The following STK3 variants were observed in gnomAD, a reference collection of about 807,000 sequenced individuals.
The protein encoded by STK3 is serine/threonine kinase 3, also known as serine/threonine-protein kinase 3.
In STK3, 41 loss-of-function variants were observed where a neutral mutation model predicts 58.0. The observed-to-expected ratio is 0.71, with a 90% CI of 0.55 to 0.92. The LOEUF (loss-of-function observed/expected upper bound fraction) is 0.92, where lower values mean the gene tolerates loss of function less well. STK3 is among the 40% of genes least tolerant of loss of function. The probability of loss-of-function intolerance (pLI) is 0.00; values close to 1 mark genes in which losing one functional copy is unlikely to be tolerated. For missense variants in STK3, 479 were observed against 602.7 expected (o/e 0.79, Z 2.15); for synonymous variants, 170 against 191.0 (o/e 0.89, Z 0.91).
chr8:98,371,481 A>T (rs1026869488), exon 3 of STK3: 2 of 152,256 alleles, frequency 1.3e-5, no homozygotes, highest in Non-Finnish European at 2.9e-5. Context: ...TCGAAAGCAC[A>T]TGTTCTTTGT....
At chr8:98,636,915 C>A (rs999331332) in intron 6 of STK3, among the ~76,000 whole-genome samples, 3 of 151,990 alleles carry the variant, frequency 2.0e-5, no homozygotes, top group Non-Finnish European at 4.4e-5. Flanking sequence ...AATGTCCTTG[C>A]AATATTGGTC....
chr8:98,700,339 C>T (rs1825457037), intron 6 of STK3, among the ~76,000 whole-genome samples: 1 of 152,228 alleles, frequency 6.6e-6, no homozygotes, highest in South Asian at 2.1e-4. Context: ...ATGCCTCGCC[C>T]TGCTTCGGCT....
At chr8:98,681,997 TC>T (rs1470287003) in intron 6 of STK3, among the ~76,000 whole-genome samples, 1 of 152,212 alleles carries the variant, frequency 6.6e-6, no homozygotes, top group Non-Finnish European at 1.5e-5. Context: ...CAACATGCAT[TC>T]CCAAGTAACA....
chr8:98,354,857 A>C, the STK3 span, among the ~76,000 whole-genome samples: 26 of 152,106 alleles, frequency 1.7e-4, no homozygotes, highest in Admixed American at 1.7e-3. Flanking sequence ...GCCTCAATGC[A>C]ACCTCCGCCT....
chr8:98,591,483 T>C (rs1048435494), intron 7 of STK3, among the ~76,000 whole-genome samples: 2 of 152,226 alleles, frequency 1.3e-5, no homozygotes, highest in Non-Finnish European at 1.5e-5. Flanking sequence ...TAAGGAGCAC[T>C]TGTACTTAAA....
At chr8:98,411,766 C>A (rs1818059779) in intron 3 of STK3, among the ~76,000 whole-genome samples, 1 of 152,236 alleles carries the variant, frequency 6.6e-6, no homozygotes, top group African/African-American at 2.4e-5. Context: ...CAACATCACT[C>A]CTCGAGGGAC....
intron 3 of STK3, among the ~76,000 whole-genome samples, chr8:98,864,334 G>A (rs1837052367): frequency 6.6e-6 from 1 of 151,638 alleles, no homozygotes; most frequent in South Asian, 2.1e-4. Context: ...GTAAACCTGA[G>A]TATAAAAAGC....
At chr8:98,502,232 T>C (rs1193772439) in intron 10 of STK3, among the ~76,000 whole-genome samples, 4 of 152,204 alleles carry the variant, frequency 2.6e-5, no homozygotes, top group Admixed American at 6.5e-5. Flanking sequence ...ATAGGAATGC[T>C]TGTGATTTTT....
At chr8:98,584,214 C>A (rs1814236847) in intron 7 of STK3, among the ~76,000 whole-genome samples, 1 of 151,932 alleles carries the variant, frequency 6.6e-6, no homozygotes, top group South Asian at 2.1e-4. Flanking sequence ...TGTCATCTAG[C>A]ATTAGGTATA....
At chr8:98,683,255 A>G (rs1823762789) in intron 6 of STK3, among the ~76,000 whole-genome samples, 1 of 152,078 alleles carries the variant, frequency 6.6e-6, no homozygotes. Flanking sequence ...TTGAAAGGCA[A>G]GCTGTGAGGG....
chr8:98,652,917 G>C (rs1223328069), intron 6 of STK3, among the ~76,000 whole-genome samples: 2 of 152,148 alleles, frequency 1.3e-5, no homozygotes, highest in Non-Finnish European at 2.9e-5. Flanking sequence ...ACATTAGACA[G>C]ATCAACCAGA....
chr8:98,457,349 A>G (rs1586605060), intron 10 of STK3, among the ~76,000 whole-genome samples: 1 of 152,246 alleles, frequency 6.6e-6, no homozygotes, highest in Admixed American at 6.5e-5. Flanking sequence ...AACTGTACAC[A>G]TCGGTAATGG....
chr8:98,485,233 C>T (rs1007754882), intron 10 of STK3, among the ~76,000 whole-genome samples: 24 of 136,506 alleles, frequency 1.8e-4, no homozygotes, highest in African/African-American at 5.9e-4. Flanking sequence ...ATGAGGGAAA[C>T]TGCGTCTCAA....
intron 6 of STK3, among the ~76,000 whole-genome samples, chr8:98,669,089 T>C (rs372121151): frequency 1.4e-5 from 2 of 147,140 alleles, no homozygotes; most frequent in Non-Finnish European, 3.0e-5. Context: ...CTCCGTCTCC[T>C]GGCTCCAAGC....
intron 3 of STK3, among the ~76,000 whole-genome samples, chr8:98,854,732 G>C (rs923519573): frequency 6.6e-6 from 1 of 152,084 alleles, no homozygotes; most frequent in African/African-American, 2.4e-5. Flanking sequence ...CATGTTCATG[G>C]ATCAAAAGAC....
At chr8:98,463,603 T>C (rs934782191) in intron 10 of STK3, among the ~76,000 whole-genome samples, 1 of 152,070 alleles carries the variant, frequency 6.6e-6, no homozygotes, top group Non-Finnish European at 1.5e-5. Context: ...TCAGAAAGAG[T>C]TGTCAGTAAA....
chr8:98,348,823 A>C, the STK3 span, among the ~76,000 whole-genome samples: 1 of 152,248 alleles, frequency 6.6e-6, no homozygotes, highest in Non-Finnish European at 1.5e-5. Context: ...AAAATGGTAC[A>C]GTCACTTTGG....
rs1462719916 is a variant in STK3, at chr8:98,548,134, T to C, written c.976A>G (p.Met326Val). ...ACACTCTCCACACTAGTCTTCACCATGGTGTGGGAATCCAGCTCATCTTCA... is the reference window on the plus strand; with the variant it reads ...ACACTCTCCACACTAGTCTTCACCACGGTGTGGGAATCCAGCTCATCTTCA... ...SDEDELDSHT[M>V]VKTSVESVGT... is the part of the protein sequence containing the mutation. The change falls in exon 9 of 11, where the codon ATG becomes GTG. Residue 326 changes from methionine to valine, a missense_variant. Met to Val is a conservative substitution (Grantham distance 21). Transcript: ENST00000419617. The C allele has an allele frequency of 1.3e-6, 2 of 1,575,648 alleles. No individual in the cohort carries two copies. The highest frequency in any genetic ancestry group is 1.7e-6 in the Non-Finnish European group (2 of 1,163,044).
At chr8:98,652,297 C>T (rs1821015845) in intron 6 of STK3, among the ~76,000 whole-genome samples, 1 of 151,932 alleles carries the variant, frequency 6.6e-6, no homozygotes, top group African/African-American at 2.4e-5. Flanking sequence ...ATTTTGTCAC[C>T]ACCAGGCCTG....
Sources: gnomAD v4.1 joint callset for allele counts (sites outside exome capture counted in the v4.1 genomes callset) on GRCh38, gnomAD v4.1.1 for gene constraint, MANE v1.5 for transcripts, NCBI Gene and HGNC (gene_info 2026-07-23, HGNC 2026-07-21) for gene names.